The following ZSCAN1 variants were observed in gnomAD, a reference collection of about 807,000 sequenced individuals.
The protein encoded by ZSCAN1 is zinc finger and SCAN domain containing 1, also known as zinc finger and SCAN domain-containing protein 1.
In ZSCAN1, 23 loss-of-function variants were observed where a neutral mutation model predicts 23.8. The observed-to-expected ratio is 0.97, with a 90% CI of 0.70 to 1.37. ZSCAN1 has a LOEUF of 1.37. Among genes scored for constraint, ZSCAN1 ranks in the 40% most tolerant of loss-of-function variants. The pLI, the probability that ZSCAN1 is intolerant of heterozygous loss-of-function variation, is 0.00. For missense variants in ZSCAN1, 575 were observed against 554.0 expected (o/e 1.04, Z -0.38); for synonymous variants, 236 against 232.3 (o/e 1.02, Z -0.15).
At chr19:58,048,824 AG>A (rs1043808538) in intron 4 of ZSCAN1, among the ~76,000 whole-genome samples, 3 of 151,742 alleles carry the variant, frequency 2.0e-5, no homozygotes, top group Non-Finnish European at 2.9e-5. Context: ...GCACAGTTAT[AG>A]CTCACTGCAG....
intron 1 of ZSCAN1, 150 bp downstream of exon 1, chr19:58,034,311 A>G (rs1469150091): frequency 1.7e-5 from 2 of 121,134 alleles, no homozygotes; most frequent in African/African-American, 6.4e-5. Context: ...CGGGCCCGGG[A>G]GGGGGCGGGC....
In ZSCAN1 at chr19:58,038,003, T is replaced by C. The variant is rs2073752192; in HGVS notation, c.167T>C (p.Leu56Pro). 6.2e-7 allele frequency: 1 copy of C among 1,609,912 alleles called. No homozygotes were observed. Among genetic ancestry groups the C allele is most frequent in the Admixed American group, 1.7e-5 (1 of 59,934 alleles). ...YHVASGPHLALGQLWTLCRQW... is the reference protein window; with the variant it reads ...YHVASGPHLAPGQLWTLCRQW... ...GTGGCGAGCGGGCCGCACCTCGCGC[T>C]GGGCCAGCTCTGGACGCTGTGCCGC... Residue 56 changes from leucine (L) to proline (P), a missense_variant, in exon 3 of 6, where the codon CTG becomes CCG. Leu to Pro is a moderately conservative substitution (Grantham distance 98, BLOSUM62 -3). Transcript: ENST00000282326.
At chr19:58,039,636 G>A (rs1030998376) in intron 3 of ZSCAN1, among the ~76,000 whole-genome samples, 3 of 151,944 alleles carry the variant, frequency 2.0e-5, no homozygotes, top group Non-Finnish European at 2.9e-5. Flanking sequence ...GCGTGGTGGC[G>A]CGTGCCTATA....
intron 4 of ZSCAN1, chr19:58,046,864 A>G (rs1568604620): frequency 1.6e-6 from 1 of 633,030 alleles, no homozygotes; most frequent in East Asian, 2.7e-5. Context: ...CTCATCTAAT[A>G]CTTTGGCTGG....
rs1226786111 is a variant in ZSCAN1, at chr19:58,045,242, G to T, written c.465+4698G>T. 1 of 804,636 alleles carries T rather than the reference G, an allele frequency of 1.2e-6. No homozygotes were observed. The highest frequency in any genetic ancestry group is 2.3e-6 in the Non-Finnish European group (1 of 441,418). The allele number at this position is 804,636 out of a possible 1,614,324, so 49.8% of individuals were successfully genotyped here. ...CGTTCCTCCTGTTCGTGGTGGTGCC[G>T]TTCGTGGAGTTTCTGCTGCCTGTTG... On this transcript the variant is annotated intron_variant, in intron 4 of 5. Coordinates refer to ENST00000282326, the MANE Select transcript of ZSCAN1 (RefSeq NM_182572.4). The surrounding 1 kb of genome is among the most constrained non-coding windows in gnomAD (Gnocchi z 4.3).
At chr19:58,042,936 C>G (rs1181223573) in intron 4 of ZSCAN1, among the ~76,000 whole-genome samples, 1 of 152,252 alleles carries the variant, frequency 6.6e-6, no homozygotes, top group East Asian at 1.9e-4. Flanking sequence ...GCCCCAACGT[C>G]CCTGAGCGAG....
At chr19:58,044,409 C>T (rs2073810112) in intron 4 of ZSCAN1, among the ~76,000 whole-genome samples, 2 of 152,092 alleles carry the variant, frequency 1.3e-5, no homozygotes, top group South Asian at 4.1e-4. Context: ...AAGGATTAAA[C>T]CTTTTTAAAA....
Position 58,040,164 on chromosome 19 carries a change from T to C in ZSCAN1, c.371-286T>C, listed in dbSNP as rs2073776359. ...AGGGCTCACAGTGCTCGGGCCTCCC[T>C]AGTTAGTCAGTGCTGCAGTGTGTGT... On this transcript the variant is annotated intron_variant, in intron 3 of 5. Coordinates refer to ENST00000282326, the MANE Select transcript of ZSCAN1 (RefSeq NM_182572.4). The surrounding 1 kb of genome is among the most constrained non-coding windows in gnomAD (Gnocchi z 5.8). Among the ~76,000 whole-genome samples the C allele has an allele frequency of 6.6e-6, 1 of 152,140 alleles. No individual in the cohort carries two copies. Among genetic ancestry groups the C allele is most frequent in the Admixed American group, 6.5e-5 (1 of 15,272 alleles).
chr19:58,045,527 G>C lies in ZSCAN1; in HGVS notation c.465+4983G>C. The C allele has an allele frequency of 8.7e-6, 12 of 1,386,652 alleles. No individual in the cohort carries two copies. Among genetic ancestry groups the C allele is most frequent in the Non-Finnish European group, 1.2e-5 (12 of 972,904 alleles). 85.9% of individuals were successfully genotyped at this position (1,386,652 alleles called of 1,614,324 possible). ...GTTTTTCCAAATTATTTGAGGATGAGCTGACCCTTGACAACCTGACACGGC... is the reference window on the plus strand; with the variant it reads ...GTTTTTCCAAATTATTTGAGGATGACCTGACCCTTGACAACCTGACACGGC... On this transcript the variant is annotated intron_variant, in intron 4 of 5. Transcript: ENST00000282326. This position sits in a 1 kb window ranked among gnomAD's most constrained non-coding sequence, Gnocchi z 4.3.
At chr19:58,056,287 A>T (rs2073888881), downstream of ZSCAN1, among the ~76,000 whole-genome samples, 1 of 152,188 alleles carries the variant, frequency 6.6e-6, no homozygotes, top group Non-Finnish European at 1.5e-5. Flanking sequence ...CAGCACTGGG[A>T]TGGTGGAGGC....
chr19:58,052,950 A>C (rs1199003693), intron 5 of ZSCAN1, among the ~76,000 whole-genome samples: 1 of 135,456 alleles, frequency 7.4e-6, no homozygotes, highest in Non-Finnish European at 1.6e-5. Context: ...ATCTGCTCCC[A>C]AAACATGTGC....
chr19:58,053,293 C>T lies in ZSCAN1; in HGVS notation c.605-136C>T. 8.9e-7 allele frequency: 1 copy of T among 1,120,334 alleles called. No homozygotes were observed. Among genetic ancestry groups the T allele is most frequent in the Non-Finnish European group, 1.3e-6 (1 of 791,086 alleles). 69.4% of individuals were successfully genotyped at this position (1,120,334 alleles called of 1,614,324 possible). On this transcript the variant is annotated intron_variant, in intron 5 of 5. Coordinates refer to ENST00000282326, the MANE Select transcript of ZSCAN1 (RefSeq NM_182572.4). The surrounding 1 kb of genome is among the most constrained non-coding windows in gnomAD (Gnocchi z 5.8). ...GTATCTTAAAGGACAGAACGGAGGA[C>T]ACAGGGGCCGTATTGAGCAGAGGAA... is the stretch of plus-strand genomic sequence containing the variant.
Position 58,054,127 on chromosome 19 carries a change from A to T in ZSCAN1, c.*76A>T. Reference sequence around the variant, plus strand: ...TGATGGGCCCCAGAAGATGGGGGACATCCCCCAGCCCCACCAACCCCTGGC... The same window carrying T: ...TGATGGGCCCCAGAAGATGGGGGACTTCCCCCAGCCCCACCAACCCCTGGC... On this transcript the variant is annotated 3_prime_UTR_variant, in exon 6 of 6. Transcript: ENST00000282326. This position sits in a 1 kb window ranked among gnomAD's most constrained non-coding sequence, Gnocchi z 4.2. 9 of 1,424,244 alleles carry T rather than the reference A, an allele frequency of 6.3e-6. No individual in the cohort carries two copies. The highest frequency in any genetic ancestry group is 7.3e-6 in the Non-Finnish European group (8 of 1,089,278). The allele number at this position is 1,424,244 out of a possible 1,614,324, so 88.2% of individuals were successfully genotyped here.
rs1204153611 is a variant in ZSCAN1, at chr19:58,053,251, C to T, written c.605-178C>T. ...GGATTACAGGCATGAGCCACTGCAC[C>T]GGCCACATGTGCCCTTGTATCTTAA... is the stretch of plus-strand genomic sequence containing the variant. On this transcript the variant is annotated intron_variant, in intron 5 of 5. Transcript: ENST00000282326. The surrounding 1 kb of genome is among the most constrained non-coding windows in gnomAD (Gnocchi z 5.8). Among the ~76,000 whole-genome samples, 5 of 152,166 alleles carry T rather than the reference C, an allele frequency of 3.3e-5. No individual in the cohort carries two copies. The highest frequency in any genetic ancestry group is 1.3e-4 in the Admixed American group (2 of 15,278).
intron 5 of ZSCAN1, 53 bp downstream of exon 5, chr19:58,052,681 AACC>A: frequency 6.5e-7 from 1 of 1,527,262 alleles, no homozygotes; most frequent in African/African-American, 1.4e-5. Flanking sequence ...TTGGGACTTC[AACC>A]CAAAGCCACA....
At chr19:58,050,646 G>T (rs899596881) in intron 4 of ZSCAN1, among the ~76,000 whole-genome samples, 1 of 151,466 alleles carries the variant, frequency 6.6e-6, no homozygotes, top group African/African-American at 2.4e-5. Context: ...TCAGCCTCCC[G>T]AGTAGCTGGG....
intron 4 of ZSCAN1, among the ~76,000 whole-genome samples, chr19:58,041,717 TA>T (rs11330596): frequency 0.89 from 135,453 of 151,818 alleles, 61,164 homozygotes; most frequent in Middle Eastern, 0.94. Flanking sequence ...CCCCATGTCT[TA>T]AAAAAAAATG....
chr19:58,051,930 G>T (rs1350127987), intron 4 of ZSCAN1, among the ~76,000 whole-genome samples: 6 of 152,238 alleles, frequency 3.9e-5, no homozygotes, highest in Non-Finnish European at 8.8e-5. Context: ...CTCCCAGGAA[G>T]TGGTGATCCC....
chr19:58,041,391 A>C (rs541256406), intron 4 of ZSCAN1, among the ~76,000 whole-genome samples: 32 of 152,218 alleles, frequency 2.1e-4, no homozygotes, highest in African/African-American at 7.7e-4. Flanking sequence ...AGCAGAACAA[A>C]GGGGCACACA....
Sources: allele counts gnomAD v4.1 joint callset (sites outside exome capture counted in the v4.1 genomes callset), GRCh38; gene constraint gnomAD v4.1.1; non-coding constraint Gnocchi (gnomAD v3.1); transcripts MANE v1.5; gene names NCBI Gene and HGNC (gene_info 2026-07-23, HGNC 2026-07-21).